The following TRIM29 variants were observed in gnomAD, a reference collection of about 807,000 sequenced individuals.
TRIM29 encodes tripartite motif-containing protein 29.
TRIM29 carries 52 observed loss-of-function variants against 57.3 expected under a neutral mutation model. That is an observed-to-expected ratio of 0.91 (90% CI 0.73 to 1.14). The LOEUF (loss-of-function observed/expected upper bound fraction) is 1.14. Ranked by LOEUF, TRIM29 falls within the 50% of genes most tolerant of loss-of-function variation. The pLI is 0.00. For missense variants in TRIM29, 753 were observed against 774.6 expected (o/e 0.97, Z 0.33); for synonymous variants, 319 against 316.9 (o/e 1.01, Z -0.07).
At position 120,118,250 on chromosome 11, in the gene TRIM29, G is replaced by A; in HGVS notation, c.1600C>T (p.Gln534Ter). The A allele has an allele frequency of 6.2e-7, 1 of 1,614,080 alleles. No homozygotes were observed. Among genetic ancestry groups the A allele is most frequent in the Non-Finnish European group, 8.5e-7 (1 of 1,179,986 alleles). The change falls in exon 7 of 9, where the codon CAA (glutamine) becomes TAA (stop). Residue 534 changes from glutamine (Q) to a stop codon, truncating the protein, a stop_gained. Transcript: ENST00000341846. LOFTEE classifies it high-confidence loss of function. ...TTCAGGGAGAAGGAGGAGCTGCCTT[G>A]GACGACGGGCAGGTCATTGTCAGAG... ...QNSDNDLPVVQGSSSFSLKGY... is the reference protein window; with the variant it reads ...QNSDNDLPVV
chr11:120,113,816 T>C (rs1454593136), intron 8 of TRIM29, among the ~76,000 whole-genome samples: 1 of 152,110 alleles, frequency 6.6e-6, no homozygotes, highest in Non-Finnish European at 1.5e-5. Flanking sequence ...CTGAAGCCTT[T>C]CTTTGAGGAA....
At chr11:120,136,966 A>G (rs539685977) in intron 1 of TRIM29, among the ~76,000 whole-genome samples, 1 of 152,152 alleles carries the variant, frequency 6.6e-6, no homozygotes, top group African/African-American at 2.4e-5. Context: ...CAGGCCCTCA[A>G]CCTTTTCTGA....
At position 120,137,837 on chromosome 11, in the gene TRIM29, A is replaced by G. The variant is rs780491205; in HGVS notation, c.195T>C (p.Gly65=). ...SLGSALKPGE[G]RSALFAGNEW... is the part of the protein sequence containing the mutation. ...CATTGCCCGCGAACAGGGCGCTCCTACCTTCCCCTGGCTTCAGGGCGCTGC... is the reference window on the plus strand; with the variant it reads ...CATTGCCCGCGAACAGGGCGCTCCTGCCTTCCCCTGGCTTCAGGGCGCTGC... The change falls in exon 1 of 9, where the codon GGT becomes GGC. Residue 65 remains glycine, a synonymous_variant. Transcript: ENST00000341846. This position sits in a 1 kb window ranked among gnomAD's most constrained non-coding sequence, Gnocchi z 6.2. The G allele has an allele frequency of 3.1e-6, 5 of 1,612,132 alleles. No individual in the cohort carries two copies. The highest frequency in any genetic ancestry group is 3.4e-6 in the Non-Finnish European group (4 of 1,179,966).
chr11:120,123,528 GGCAGCCTA>G, intron 4 of TRIM29: 1 of 445,098 alleles, frequency 2.2e-6, no homozygotes, highest in Non-Finnish European at 4.5e-6. Flanking sequence ...AGCCACTGCT[GGCAGCCTA>G]AGGTGAGGGG....
At position 120,137,816 on chromosome 11, in the gene TRIM29, G is replaced by C. The variant is rs1430972758; in HGVS notation, c.216C>G (p.Gly72=). 1 of 1,612,570 alleles carries C rather than the reference G, an allele frequency of 6.2e-7. No individual in the cohort carries two copies. The highest frequency in any genetic ancestry group is 2.2e-5 in the East Asian group (1 of 44,842). ...GGATGATGGGTCGCCGCCACTCATT[G>C]CCCGCGAACAGGGCGCTCCTACCTT... ...PGEGRSALFA[G]NEWRRPIIQF... is the part of the protein sequence containing the mutation. The change falls in exon 1 of 9, where the codon GGC becomes GGG. Residue 72 remains glycine, a synonymous_variant. Coordinates refer to ENST00000341846, the MANE Select transcript of TRIM29 (RefSeq NM_012101.4). This position sits in a 1 kb window ranked among gnomAD's most constrained non-coding sequence, Gnocchi z 6.2.
chr11:120,130,445 G>A (rs902576791), intron 1 of TRIM29, among the ~76,000 whole-genome samples: 7 of 152,212 alleles, frequency 4.6e-5, no homozygotes, highest in Admixed American at 1.3e-4. Flanking sequence ...AGGGCCCAGC[G>A]CTGGTAAAAG....
chr11:120,119,492 A>G (rs1042653331), intron 6 of TRIM29, among the ~76,000 whole-genome samples: 4 of 152,176 alleles, frequency 2.6e-5, no homozygotes, highest in Admixed American at 2.0e-4. Flanking sequence ...GCGAGGCCAG[A>G]CACCTTGCCC....
In TRIM29 at chr11:120,125,813, C is replaced by T. The variant is rs775258489; in HGVS notation, c.1211G>A (p.Gly404Asp). 2 of 1,614,146 alleles carry T rather than the reference C, an allele frequency of 1.2e-6. No individual in the cohort carries two copies. Among genetic ancestry groups the T allele is most frequent in the South Asian group, 1.1e-5 (1 of 91,068 alleles). ...GAAGTTGCCTAGTGACTGTCCCAGGCCCTCCCCCTCCAGCAGGACATGATA... is the reference window on the plus strand; with the variant it reads ...GAAGTTGCCTAGTGACTGTCCCAGGTCCTCCCCCTCCAGCAGGACATGATA... ...PTYHVLLEGE[G>D]LGQSLGNFKD... Residue 404 changes from glycine to aspartate, a missense_variant, in exon 4 of 9, where the codon GGC becomes GAC. Physicochemically the swap from Gly to Asp is moderately conservative, Grantham distance 94. Coordinates refer to ENST00000341846, the MANE Select transcript of TRIM29 (RefSeq NM_012101.4).
In TRIM29 at chr11:120,111,533, T is replaced by G. The variant is rs1481528515; in HGVS notation, c.*881A>C. The G allele has an allele frequency of 6.6e-6, 1 of 152,184 alleles. No individual in the cohort carries two copies. The highest frequency in any genetic ancestry group is 1.5e-5 in the Non-Finnish European group (1 of 68,056). The allele number at this position is 152,184 out of a possible 1,614,324, so 9.4% of individuals were successfully genotyped here. On this transcript the variant is annotated 3_prime_UTR_variant, in exon 9 of 9. Coordinates refer to ENST00000341846, the MANE Select transcript of TRIM29 (RefSeq NM_012101.4). Reference sequence around the variant, plus strand: ...GGGCAACGGCTGAGGGTGGGGGCAGTGTGTAAGGCACCTTTTGCGGTCAGC... The same window carrying G: ...GGGCAACGGCTGAGGGTGGGGGCAGGGTGTAAGGCACCTTTTGCGGTCAGC...
At chr11:120,129,832 A>T (rs571688014) in intron 1 of TRIM29, among the ~76,000 whole-genome samples, 5 of 151,954 alleles carry the variant, frequency 3.3e-5, no homozygotes, top group Admixed American at 6.6e-5. Context: ...CCCCACCACC[A>T]CATTCCTGGA....
rs1321786143 is a variant in TRIM29 at position 120,112,072 on chromosome 11, C to T, written c.*342G>A. ...GCGGGAGAGGCAGGCTGATACCATG[C>T]GGGTACTCACTGCTAGCCCCCAGAT... On this transcript the variant is annotated 3_prime_UTR_variant, in exon 9 of 9. Transcript: ENST00000341846. 4.0e-5 allele frequency: 13 copies of T among 322,606 alleles called. No homozygotes were observed. In the East Asian group the frequency reaches 9.3e-4, roughly 23 times the overall value. The allele number at this position is 322,606 out of a possible 1,614,324, so 20.0% of individuals were successfully genotyped here.
intron 1 of TRIM29, among the ~76,000 whole-genome samples, chr11:120,131,274 G>C (rs1352847969): frequency 6.6e-6 from 1 of 152,142 alleles, no homozygotes; most frequent in Non-Finnish European, 1.5e-5. Flanking sequence ...AGTGAGTTCA[G>C]GGATGCAGAA....
chr11:120,127,756 G>A (rs1392151226), intron 2 of TRIM29, among the ~76,000 whole-genome samples, 187 bp from the exon 3 acceptor site: 3 of 152,092 alleles, frequency 2.0e-5, no homozygotes, highest in African/African-American at 7.2e-5. Context: ...TACTGACAGA[G>A]ATAGCCAGGT....
At chr11:120,128,879 C>T in intron 1 of TRIM29, 1 of 1,460,096 alleles carries the variant, frequency 6.8e-7, no homozygotes, top group Non-Finnish European at 9.0e-7. Flanking sequence ...GGGGATCCAG[C>T]CCAGCTCAGC....
intron 5 of TRIM29, 27 bp from the exon 6 acceptor site, chr11:120,120,692 A>G: frequency 6.2e-7 from 1 of 1,606,788 alleles, no homozygotes; most frequent in Non-Finnish European, 8.5e-7. Context: ...GGGGGCTGTC[A>G]TTGCAGAAAA....
chr11:120,119,840 G>C (rs1863389239), intron 6 of TRIM29, among the ~76,000 whole-genome samples: 1 of 152,242 alleles, frequency 6.6e-6, no homozygotes, highest in East Asian at 1.9e-4. Flanking sequence ...GAGCCCCCAG[G>C]ACAGAACCAG....
rs750046882 is a variant in TRIM29 at position 120,137,987 on chromosome 11, T to C, written c.45A>G (p.Glu15=). ...DASRSNGSSP[E]ARDARSPSGP... ...CCGACGGGCTCCGGGCATCCCTGGC[T>C]TCTGGGCTCGACCCGTTGCTCCTGG... Residue 15 remains glutamate (E), a synonymous_variant, in exon 1 of 9, where the codon GAA becomes GAG. Coordinates refer to ENST00000341846, the MANE Select transcript of TRIM29 (RefSeq NM_012101.4). This position sits in a 1 kb window ranked among gnomAD's most constrained non-coding sequence, Gnocchi z 6.2. The C allele has an allele frequency of 2.5e-6, 4 of 1,603,732 alleles. No homozygotes were observed. The highest frequency in any genetic ancestry group is 4.5e-5 in the East Asian group (2 of 44,862).
chr11:120,128,972 C>T, intron 1 of TRIM29: 5 of 1,291,306 alleles, frequency 3.9e-6, no homozygotes, highest in Non-Finnish European at 5.0e-6. Context: ...TTGCAAGCAG[C>T]AGCCAGGGTT....
chr11:120,128,914 G>C (rs552065524), intron 1 of TRIM29: 2 of 1,414,642 alleles, frequency 1.4e-6, no homozygotes, highest in Admixed American at 2.5e-5. Context: ...GGAGTGTCTC[G>C]TGGCAGTAAC....
Sources: allele counts gnomAD v4.1 joint callset (sites outside exome capture counted in the v4.1 genomes callset), GRCh38; gene constraint gnomAD v4.1.1; non-coding constraint Gnocchi (gnomAD v3.1); transcripts MANE v1.5; gene names NCBI Gene and HGNC (gene_info 2026-07-23, HGNC 2026-07-21).